The following CADPS2 variants were observed in gnomAD, a reference collection of about 807,000 sequenced individuals.
The protein encoded by CADPS2 is calcium dependent secretion activator 2.
CADPS2 carries 93 observed loss-of-function variants against 172.5 expected under a neutral mutation model. The observed-to-expected ratio is 0.54, with a 90% CI of 0.46 to 0.64. The LOEUF is 0.64. Among genes scored for constraint, CADPS2 ranks in the 30% least tolerant of loss-of-function variants. CADPS2 has a pLI of 0.00. For missense variants in CADPS2, 1,420 were observed against 1,565.9 expected (o/e 0.91, Z 1.57); for synonymous variants, 546 against 555.2 (o/e 0.98, Z 0.23).
At chr7:122,676,761 A>G in intron 2 of CADPS2, 17 of 1,170,372 alleles carry the variant, frequency 1.5e-5, no homozygotes, top group Non-Finnish European at 2.0e-5. Context: ...TCATGGAGAA[A>G]CTTCTCCAGA....
chr7:122,739,422 A>G (rs888187753), intron 1 of CADPS2, among the ~76,000 whole-genome samples: 2 of 152,128 alleles, frequency 1.3e-5, no homozygotes, highest in South Asian at 4.1e-4. Flanking sequence ...TTTCTACATC[A>G]TTAGTATTTA....
At chr7:122,821,517 T>C (rs543971403) in intron 1 of CADPS2, among the ~76,000 whole-genome samples, 21 of 152,290 alleles carry the variant, frequency 1.4e-4, no homozygotes, top group African/African-American at 5.1e-4. Context: ...CTAAAATACC[T>C]TTTAATCTAG....
rs564762767 is a variant in CADPS2 at position 122,477,235 on chromosome 7, G to A, written c.1862-2718C>T. The stretch of plus-strand genomic sequence containing the variant: ...GTTTATAACATTACTGAAAACTGAC[G>A]GGCACAATGGCTCATGCCTGTAATC... On this transcript the variant is annotated intron_variant, in intron 12 of 29. Coordinates refer to ENST00000449022, the MANE Select transcript of CADPS2 (RefSeq NM_017954.11). 4.6e-5 allele frequency among the ~76,000 whole-genome samples: 7 copies of A among 152,140 alleles called. No individual in the cohort carries two copies. The South Asian group carries it at 1.0e-3, about 23-fold the overall frequency.
chr7:122,498,024 C>T (rs1040866902), intron 9 of CADPS2, among the ~76,000 whole-genome samples: 3 of 152,112 alleles, frequency 2.0e-5, no homozygotes, highest in South Asian at 2.1e-4. Flanking sequence ...GGCACGAACT[C>T]GGCTCACTGC....
At chr7:122,692,345 G>A (rs1483108505) in intron 2 of CADPS2, among the ~76,000 whole-genome samples, 1 of 152,218 alleles carries the variant, frequency 6.6e-6, no homozygotes, top group Non-Finnish European at 1.5e-5. Context: ...GGATCACTGG[G>A]CGAGCCTGCA....
At chr7:122,840,171 T>C (rs1012263088) in intron 1 of CADPS2, among the ~76,000 whole-genome samples, 1 of 151,810 alleles carries the variant, frequency 6.6e-6, no homozygotes, top group Non-Finnish European at 1.5e-5. Flanking sequence ...GAGCAAACTA[T>C]CACAAGGACA....
chr7:122,604,384 A>G (rs1327495622), intron 6 of CADPS2, among the ~76,000 whole-genome samples: 2 of 152,136 alleles, frequency 1.3e-5, no homozygotes, highest in African/African-American at 2.4e-5. Context: ...GAAGATTTGT[A>G]CTTTAATGCC....
chr7:122,501,075 C>T (rs892753487), intron 9 of CADPS2, among the ~76,000 whole-genome samples: 4 of 151,774 alleles, frequency 2.6e-5, no homozygotes, highest in Non-Finnish European at 5.9e-5. Context: ...GGCAACTAAA[C>T]GAGACCCCCA....
intron 25 of CADPS2, chr7:122,366,941 T>A (rs2040992771): frequency 6.6e-6 from 1 of 152,046 alleles, no homozygotes; most frequent in East Asian, 1.9e-4. Context: ...AACAGCACAC[T>A]TAGACCAGAT....
intron 6 of CADPS2, among the ~76,000 whole-genome samples, chr7:122,600,759 C>T (rs903956411): frequency 3.9e-5 from 6 of 152,046 alleles, no homozygotes; most frequent in Non-Finnish European, 5.9e-5. Context: ...CTAAAAGTTT[C>T]GTTTAATAAA....
chr7:122,729,878 G>A (rs917489991), intron 2 of CADPS2, among the ~76,000 whole-genome samples: 1 of 151,544 alleles, frequency 6.6e-6, no homozygotes. Flanking sequence ...ATGAAGAGGA[G>A]CAGCAGCAGA....
intron 2 of CADPS2, among the ~76,000 whole-genome samples, chr7:122,736,738 ATG>A (rs2092180716): frequency 6.6e-6 from 1 of 152,158 alleles, no homozygotes; most frequent in Non-Finnish European, 1.5e-5. Flanking sequence ...TCCTCAAAAG[ATG>A]TGACTAATTT....
At chr7:122,879,663 G>T (rs537136747) in intron 1 of CADPS2, among the ~76,000 whole-genome samples, 1 of 152,304 alleles carries the variant, frequency 6.6e-6, no homozygotes, top group East Asian at 1.9e-4. Context: ...CTATTAGATT[G>T]ACAAAGACAG....
chr7:122,530,791 T>C (rs928344322), intron 8 of CADPS2, among the ~76,000 whole-genome samples: 1 of 152,164 alleles, frequency 6.6e-6, no homozygotes, highest in African/African-American at 2.4e-5. Context: ...CCAGCTACCA[T>C]ATATATAAAA....
chr7:122,882,255 G>C (rs977131838), intron 1 of CADPS2, among the ~76,000 whole-genome samples: 1 of 152,096 alleles, frequency 6.6e-6, no homozygotes, highest in Non-Finnish European at 1.5e-5. Flanking sequence ...AAAGTGGTAG[G>C]AGTGATTATA....
intron 1 of CADPS2, among the ~76,000 whole-genome samples, chr7:122,739,635 T>C (rs905347149): frequency 6.6e-6 from 1 of 152,150 alleles, no homozygotes; most frequent in African/African-American, 2.4e-5. Context: ...TGCAGTTACA[T>C]TTAAGACATA....
intron 6 of CADPS2, among the ~76,000 whole-genome samples, chr7:122,603,460 G>A (rs1389154065): frequency 2.7e-5 from 4 of 148,000 alleles, no homozygotes; most frequent in Admixed American, 6.7e-5. Flanking sequence ...TACATGAGCA[G>A]AAAAAAAAAA....
intron 1 of CADPS2, among the ~76,000 whole-genome samples, chr7:122,807,154 G>A (rs1480144462): frequency 6.6e-6 from 1 of 152,186 alleles, no homozygotes; most frequent in Non-Finnish European, 1.5e-5. Flanking sequence ...TGTGCTGGTG[G>A]CCTACCCCAG....
At position 122,621,735 on chromosome 7, in the gene CADPS2, AAAT is replaced by A. The variant is rs760033407; in HGVS notation, c.868-21_868-19del. The stretch of plus-strand genomic sequence containing the variant: ...TTTCTTTCCTTGAAAATAATTTTTA[AAAT>A]AATAGTGTTACATAAGTCATATTTC... On this transcript the variant is annotated intron_variant, in intron 4 of 29. Coordinates refer to ENST00000449022, the MANE Select transcript of CADPS2 (RefSeq NM_017954.11). The A allele has an allele frequency of 2.9e-6, 4 of 1,375,080 alleles. No homozygotes were observed. In the African/African-American group the frequency reaches 4.4e-5, roughly 15 times the overall value. 85.2% of individuals were successfully genotyped at this position (1,375,080 alleles called of 1,614,324 possible). A position where few individuals can be genotyped will look rare whatever the true frequency, so the allele number is the denominator to read the frequency against.
Sources: gnomAD v4.1 joint callset for allele counts (sites outside exome capture counted in the v4.1 genomes callset) on GRCh38, gnomAD v4.1.1 for gene constraint, MANE v1.5 for transcripts, NCBI Gene and HGNC (gene_info 2026-07-23, HGNC 2026-07-21) for gene names.